The following SH3TC2 variants were observed in gnomAD, a reference collection of about 807,000 sequenced individuals.
The protein encoded by SH3TC2 is SH3 domain and tetratricopeptide repeat-containing protein 2.
Under a neutral mutation model 124.5 loss-of-function variants are expected in SH3TC2, and 87 were observed. That is an observed-to-expected ratio of 0.70 (90% CI 0.59 to 0.84). The LOEUF (loss-of-function observed/expected upper bound fraction) is 0.84, where lower values mean the gene tolerates loss of function less well. Among genes scored for constraint, SH3TC2 ranks in the 40% least tolerant of loss-of-function variants. The pLI is 0.00. For missense variants in SH3TC2, 1,536 were observed against 1,566.4 expected, an observed-to-expected ratio of 0.98 and a Z score of 0.33; for synonymous variants, 634 against 628.5, an observed-to-expected ratio of 1.01 and a Z score of -0.13.
intron 9 of SH3TC2, among the ~76,000 whole-genome samples, chr5:149,029,040 G>C (rs1052928394): frequency 6.6e-6 from 1 of 151,746 alleles, no homozygotes; most frequent in Admixed American, 6.6e-5. Context: ...GGGGACAGTG[G>C]GGGTCCTGAT....
chr5:149,038,392 T>C lies in SH3TC2; in HGVS notation c.904A>G (p.Ile302Val), dbSNP rs745345448. 4.3e-6 allele frequency: 7 copies of C among 1,614,088 alleles called. No homozygotes were observed. Among genetic ancestry groups the C allele is most frequent in the Non-Finnish European group, 5.1e-6 (6 of 1,180,028 alleles). Residue 302 changes from isoleucine to valine, a missense_variant, in exon 8 of 17, where the codon ATA (isoleucine) becomes GTA (valine). Ile to Val is a conservative substitution (Grantham distance 29). Transcript: ENST00000515425. ...CCAATGAACCACTGAAGCCCAGGTATGACAAAGCCGATGATCTCAATGCTT... is the reference window on the plus strand; with the variant it reads ...CCAATGAACCACTGAAGCCCAGGTACGACAAAGCCGATGATCTCAATGCTT... ...GESIEIIGFV[I>V]PGLQWFIGKS... is the part of the protein sequence containing the mutation.
chr5:149,011,499 T>C (rs765571213), intron 13 of SH3TC2, among the ~76,000 whole-genome samples: 16 of 152,198 alleles, frequency 1.1e-4, no homozygotes, highest in Non-Finnish European at 2.1e-4. Context: ...AGTCACACTG[T>C]GTGCAGTTCT....
intron 5 of SH3TC2, among the ~76,000 whole-genome samples, chr5:149,042,325 G>C (rs558898975): frequency 6.6e-6 from 1 of 152,154 alleles, no homozygotes; most frequent in East Asian, 1.9e-4. Context: ...ATTTTATCAC[G>C]TTTGGAAAAG....
rs992695893 is a variant in SH3TC2 at position 148,985,018 on chromosome 5, A to C, written c.*19693T>G. On this transcript the variant is annotated 3_prime_UTR_variant, in exon 17 of 17. Transcript: ENST00000515425. The stretch of plus-strand genomic sequence containing the variant: ...TCCCATTATTTTTAATCTGGTTTTC[A>C]TGGTTCCACCAACCTGGGCAAGCTA... Among the ~76,000 whole-genome samples the C allele has an allele frequency of 6.6e-5, 10 of 152,134 alleles. No individual in the cohort carries two copies. Among genetic ancestry groups the C allele is most frequent in the African/African-American group, 2.4e-4 (10 of 41,438 alleles).
In SH3TC2 at chr5:148,992,600, G is replaced by GTTTTT. The variant is rs35182601; in HGVS notation, c.*12106_*12110dup. Among the ~76,000 whole-genome samples, 15 of 102,492 alleles carry GTTTTT rather than the reference G, an allele frequency of 1.5e-4. 1 individual carries two copies. Among genetic ancestry groups the GTTTTT allele is most frequent in the East Asian group, 3.5e-4 (1 of 2,864 alleles). The allele number at this position is 102,492 out of a possible 152,430, so 67.2% of individuals were successfully genotyped here. On this transcript the variant is annotated 3_prime_UTR_variant, in exon 17 of 17. Transcript: ENST00000515425. The stretch of plus-strand genomic sequence containing the variant: ...ATAATTCCAAGAAGAGATTTCATTG[G>GTTTTT]TTTTTTTTTTTTTTTTTTTTTTCAG...
At position 148,994,700 on chromosome 5, in the gene SH3TC2, A is replaced by C. The variant is rs900182916; in HGVS notation, c.*10011T>G. 7.4e-6 allele frequency among the ~76,000 whole-genome samples: 1 copy of C among 134,904 alleles called. No homozygotes were observed. The highest frequency in any genetic ancestry group is 1.7e-5 in the Non-Finnish European group (1 of 60,446). The allele number at this position is 134,904 out of a possible 152,430, so 88.5% of individuals were successfully genotyped here. A position where few individuals can be genotyped will look rare whatever the true frequency, so the allele number is the denominator to read the frequency against. The stretch of plus-strand genomic sequence containing the variant: ...GATAAATGAATGGATGGATGGAAGG[A>C]TGGATGGATGGATGGATGGATGGAT... On this transcript the variant is annotated 3_prime_UTR_variant, in exon 17 of 17. Transcript: ENST00000515425.
intron 12 of SH3TC2, among the ~76,000 whole-genome samples, chr5:149,024,808 T>G (rs767335970): frequency 1.5e-4 from 23 of 152,202 alleles, no homozygotes; most frequent in Non-Finnish European, 2.9e-4. Context: ...GCATCCTGTC[T>G]TAACTAAGGC....
At position 149,006,935 on chromosome 5, in the gene SH3TC2, C is replaced by T. The variant is rs770300877; in HGVS notation, c.3621G>A (p.Leu1207=). Residue 1207 remains leucine (L), a synonymous_variant, in exon 16 of 17, where the codon CTG becomes CTA. Coordinates refer to ENST00000515425, the MANE Select transcript of SH3TC2 (RefSeq NM_024577.4). ...GGCGATAATACACCTTGGCATAGTACAGGGCCTCCTTGGGACTCTGCAGCC... is the reference window on the plus strand; with the variant it reads ...GGCGATAATACACCTTGGCATAGTATAGGGCCTCCTTGGGACTCTGCAGCC... The part of the protein sequence containing the change: ...PPWLQSPKEA[L]YYAKVYYRLG... The T allele has an allele frequency of 8.1e-6, 13 of 1,614,144 alleles. No homozygotes were observed. The highest frequency in any genetic ancestry group is 1.1e-5 in the Non-Finnish European group (13 of 1,180,024).
chr5:149,016,832 G>A, intron 12 of SH3TC2, among the ~76,000 whole-genome samples: 1 of 151,388 alleles, frequency 6.6e-6, no homozygotes, highest in East Asian at 1.9e-4. Context: ...GGCTGAGGCA[G>A]GAGAATGGCA....
At position 149,040,672 on chromosome 5, in the gene SH3TC2, A is replaced by T; in HGVS notation, c.737T>A (p.Phe246Tyr). 1.2e-6 allele frequency: 2 copies of T among 1,614,118 alleles called. No homozygotes were observed. Among genetic ancestry groups the T allele is most frequent in the South Asian group, 2.2e-5 (2 of 91,076 alleles). Residue 246 changes from phenylalanine to tyrosine, a missense_variant, in exon 7 of 17, where the codon TTC becomes TAC. Phe to Tyr is a conservative substitution (Grantham distance 22). Coordinates refer to ENST00000515425, the MANE Select transcript of SH3TC2 (RefSeq NM_024577.4). ...EPLPLPFHQW[F>Y]LKNYPGSCGL... ...ACAGCTTCCTGGATAATTCTTTAGGAACCACCTGCCAATGAAAACATGGGG... is the reference window on the plus strand; with the variant it reads ...ACAGCTTCCTGGATAATTCTTTAGGTACCACCTGCCAATGAAAACATGGGG...
chr5:149,039,775 A>G (rs1754338600), intron 7 of SH3TC2, among the ~76,000 whole-genome samples: 1 of 152,230 alleles, frequency 6.6e-6, no homozygotes, highest in Non-Finnish European at 1.5e-5. Context: ...GAACCAGAAT[A>G]GACTTCAAAG....
intron 8 of SH3TC2, among the ~76,000 whole-genome samples, chr5:149,033,127 T>C (rs1331656855): frequency 6.6e-6 from 1 of 152,200 alleles, no homozygotes; most frequent in African/African-American, 2.4e-5. Context: ...ATGCTAAGAA[T>C]TGCATGGCTA....
At chr5:149,061,735 G>T (rs965180124) in intron 1 of SH3TC2, among the ~76,000 whole-genome samples, 1 of 152,132 alleles carries the variant, frequency 6.6e-6, no homozygotes, top group Non-Finnish European at 1.5e-5. Flanking sequence ...CTAGAACCCC[G>T]ATCTCCGACC....
At chr5:149,031,992 C>T (rs1754202384) in intron 8 of SH3TC2, among the ~76,000 whole-genome samples, 1 of 152,206 alleles carries the variant, frequency 6.6e-6, no homozygotes, top group Non-Finnish European at 1.5e-5. Flanking sequence ...CTTCTCTCAA[C>T]CTCTACCCAT....
chr5:149,002,828 G>A lies in SH3TC2; in HGVS notation c.*1883C>T, dbSNP rs1315400635. The stretch of plus-strand genomic sequence containing the variant: ...CAGATCTACTGAATCAGAATTATTA[G>A]AGATAGAAACCAAGAAGTTCATGTT... On this transcript the variant is annotated 3_prime_UTR_variant, in exon 17 of 17. Transcript: ENST00000515425. 6.6e-6 allele frequency: 1 copy of A among 152,232 alleles called. No individual in the cohort carries two copies. The highest frequency in any genetic ancestry group is 1.5e-5 in the Non-Finnish European group (1 of 68,044). 9.4% of individuals were successfully genotyped at this position (152,232 alleles called of 1,614,324 possible). A position where few individuals can be genotyped will look rare whatever the true frequency, so the allele number is the denominator to read the frequency against.
At chr5:149,021,880 C>CTTTT (rs1355616473) in intron 12 of SH3TC2, among the ~76,000 whole-genome samples, 2 of 27,182 alleles carry the variant, frequency 7.4e-5, no homozygotes, top group African/African-American at 2.2e-4. Flanking sequence ...TTCACAAACT[C>CTTTT]TTTCTTTTTT....
At chr5:149,038,196 A>T in intron 8 of SH3TC2, 99 bp downstream of exon 8, 1 of 1,157,324 alleles carries the variant, frequency 8.6e-7, no homozygotes, top group South Asian at 1.4e-5. Flanking sequence ...CCATGTCACC[A>T]GGGCACCCTC....
chr5:148,986,122 C>G lies in SH3TC2; in HGVS notation c.*18589G>C, dbSNP rs1397920678. Among the ~76,000 whole-genome samples, 2 of 152,158 alleles carry G rather than the reference C, an allele frequency of 1.3e-5. No individual in the cohort carries two copies. Among genetic ancestry groups the G allele is most frequent in the East Asian group, 3.8e-4 (2 of 5,202 alleles). The stretch of plus-strand genomic sequence containing the variant: ...TATAATCAATTTTCACTCACTAAGG[C>G]CCTGCTTAATAGCCTATTTTACTGC... On this transcript the variant is annotated 3_prime_UTR_variant, in exon 17 of 17. Transcript: ENST00000515425.
At position 148,983,064 on chromosome 5, in the gene SH3TC2, G is replaced by A. The variant is rs1169952882; in HGVS notation, c.*21647C>T. 1.3e-5 allele frequency among the ~76,000 whole-genome samples: 2 copies of A among 152,136 alleles called. No individual in the cohort carries two copies. Among genetic ancestry groups the A allele is most frequent in the East Asian group, 3.9e-4 (2 of 5,192 alleles). ...CAGTGTCCCATCTATGGGATAAAGA[G>A]GGAGAACTAGCAGGTGTTTTAAATA... is the stretch of plus-strand genomic sequence containing the variant. On this transcript the variant is annotated 3_prime_UTR_variant, in exon 17 of 17. Coordinates refer to ENST00000515425, the MANE Select transcript of SH3TC2 (RefSeq NM_024577.4).
Sources: gnomAD v4.1 joint callset for allele counts (sites outside exome capture counted in the v4.1 genomes callset) on GRCh38, gnomAD v4.1.1 for gene constraint, MANE v1.5 for transcripts, NCBI Gene and HGNC (gene_info 2026-07-23, HGNC 2026-07-21) for gene names.